Variants in SLC24A2 observed in about 807,000 individuals in gnomAD.
SLC24A2 encodes the protein sodium/potassium/calcium exchanger 2.
A neutral mutation model predicts 62.0 loss-of-function variants in SLC24A2; 36 were observed. That is an observed-to-expected ratio of 0.58 (90% confidence interval 0.44 to 0.77). SLC24A2 has a LOEUF of 0.77. SLC24A2 is among the 30% of genes least tolerant of loss of function. SLC24A2 has a pLI of 0.00. For missense variants in SLC24A2, 846 were observed against 817.9 expected (o/e 1.03, Z -0.42); for synonymous variants, 358 against 294.0 (o/e 1.22, Z -2.23).
At chr9:20,041,115 A>T in the SLC24A2 span, among the ~76,000 whole-genome samples, 1 of 152,246 alleles carries the variant, frequency 6.6e-6, no homozygotes, top group Non-Finnish European at 1.5e-5. Flanking sequence ...GCATATGAGA[A>T]TGAGGAGAGA....
the SLC24A2 span, among the ~76,000 whole-genome samples, chr9:19,859,438 C>A: frequency 6.6e-6 from 1 of 152,092 alleles, no homozygotes; most frequent in Non-Finnish European, 1.5e-5. Flanking sequence ...GTACATCAAA[C>A]CCCCAAGACA....
At chr9:19,725,016 C>A (rs1821130298) in intron 2 of SLC24A2, among the ~76,000 whole-genome samples, 1 of 152,172 alleles carries the variant, frequency 6.6e-6, no homozygotes, top group African/African-American at 2.4e-5. Context: ...CAGCGCTGGT[C>A]TGCACCATCC....
the SLC24A2 span, among the ~76,000 whole-genome samples, chr9:19,841,194 T>G: frequency 6.6e-6 from 1 of 152,156 alleles, no homozygotes; most frequent in African/African-American, 2.4e-5. Flanking sequence ...TCTGTTTTTG[T>G]GGAGATTGTT....
the SLC24A2 span, among the ~76,000 whole-genome samples, chr9:19,950,867 T>C: frequency 6.6e-6 from 1 of 152,002 alleles, no homozygotes; most frequent in Non-Finnish European, 1.5e-5. Flanking sequence ...TCCCGGAGCC[T>C]ATGAGATTGT....
At chr9:20,095,965 A>G in the SLC24A2 span, among the ~76,000 whole-genome samples, 428 of 152,282 alleles carry the variant, frequency 2.8e-3, 2 homozygotes, top group Non-Finnish European at 4.8e-3. Context: ...AACCACCTCC[A>G]TGATTCAATT....
At chr9:20,095,046 A>G in the SLC24A2 span, among the ~76,000 whole-genome samples, 86 of 152,300 alleles carry the variant, frequency 5.6e-4, 2 homozygotes, top group East Asian at 0.011. Flanking sequence ...TACTTTAACC[A>G]AAAAATATTA....
chr9:19,790,529 T>TTA (rs1587332442), upstream of SLC24A2, among the ~76,000 whole-genome samples: 5 of 21,586 alleles, frequency 2.3e-4, no homozygotes, highest in Admixed American at 5.6e-4. Flanking sequence ...AATTTGAGCA[T>TTA]CAAAAAAAAA....
chr9:19,876,365 C>T, the SLC24A2 span, among the ~76,000 whole-genome samples: 8 of 145,522 alleles, frequency 5.5e-5, no homozygotes, highest in Non-Finnish European at 9.1e-5. Flanking sequence ...TTATTGAAGG[C>T]GTGTGTGTGT....
the SLC24A2 span, among the ~76,000 whole-genome samples, chr9:19,963,121 G>A: frequency 2.9e-4 from 44 of 151,106 alleles, no homozygotes; most frequent in African/African-American, 9.9e-4. Flanking sequence ...ATGGGGAAAG[G>A]ATTCCCTATT....
In SLC24A2 at chr9:19,629,497, A is replaced by C. The variant is rs143262959; in HGVS notation, c.931-7198T>G. On this transcript the variant is annotated intron_variant, in intron 2 of 10. Transcript: ENST00000341998. The stretch of plus-strand genomic sequence containing the variant: ...GTCTCTTCCAGCATCATTACTTAGA[A>C]TCACTTACTATTGTCATGATTTACT... 4.1e-3 allele frequency among the ~76,000 whole-genome samples: 626 copies of C among 152,310 alleles called. 2 individuals are homozygous for C. The highest frequency in any genetic ancestry group is 0.014 in the African/African-American group (572 of 41,556).
intron 2 of SLC24A2, among the ~76,000 whole-genome samples, chr9:19,694,016 A>C (rs1390764671): frequency 1.3e-5 from 2 of 152,128 alleles, no homozygotes; most frequent in Non-Finnish European, 2.9e-5. Context: ...TATAATTTTC[A>C]AATTCTCACT....
the SLC24A2 span, among the ~76,000 whole-genome samples, chr9:20,053,247 AT>A: frequency 6.6e-6 from 1 of 152,040 alleles, no homozygotes; most frequent in African/African-American, 2.4e-5. Flanking sequence ...CCTATAAATA[AT>A]TATCTGTTGA....
chr9:20,002,456 T>C, the SLC24A2 span, among the ~76,000 whole-genome samples: 1 of 150,958 alleles, frequency 6.6e-6, no homozygotes, highest in African/African-American at 2.4e-5. Flanking sequence ...ACTCAGGGTA[T>C]AATCAGGCAT....
At chr9:19,821,126 C>T in the SLC24A2 span, among the ~76,000 whole-genome samples, 2 of 151,974 alleles carry the variant, frequency 1.3e-5, no homozygotes, top group Admixed American at 6.6e-5. Flanking sequence ...TGAAAACAGC[C>T]AATTTAACTG....
the SLC24A2 span, among the ~76,000 whole-genome samples, chr9:19,876,360 G>A: frequency 7.3e-6 from 1 of 137,782 alleles, no homozygotes; most frequent in African/African-American, 2.8e-5. Flanking sequence ...TATGTTTATT[G>A]AAGGCGTGTG....
At chr9:20,220,002 G>A in the SLC24A2 span, among the ~76,000 whole-genome samples, 1 of 152,258 alleles carries the variant, frequency 6.6e-6, no homozygotes, top group South Asian at 2.1e-4. Flanking sequence ...TCTATGCTTT[G>A]AGAAAGTGTA....
the SLC24A2 span, among the ~76,000 whole-genome samples, chr9:20,083,719 C>T: frequency 5.9e-5 from 9 of 152,162 alleles, no homozygotes; most frequent in South Asian, 4.2e-4. Context: ...AACAACTCTT[C>T]GAAAGATGAC....
At chr9:20,179,380 T>A in the SLC24A2 span, among the ~76,000 whole-genome samples, 1 of 152,104 alleles carries the variant, frequency 6.6e-6, no homozygotes, top group East Asian at 1.9e-4. Context: ...AAAAAAGGAA[T>A]GAAATGTCCT....
chr9:19,994,361 G>T, the SLC24A2 span, among the ~76,000 whole-genome samples: 4 of 152,144 alleles, frequency 2.6e-5, no homozygotes, highest in Non-Finnish European at 5.9e-5. Flanking sequence ...AATTACCCAT[G>T]CACACAATAA....
Sources: allele counts gnomAD v4.1 joint callset (sites outside exome capture counted in the v4.1 genomes callset), GRCh38; gene constraint gnomAD v4.1.1; transcripts MANE v1.5; gene names NCBI Gene and HGNC (gene_info 2026-07-23, HGNC 2026-07-21).